The following QKI variants were observed in gnomAD, a reference collection of about 807,000 sequenced individuals.
QKI encodes the protein QKI, KH domain containing RNA binding.
Under a neutral mutation model 39.0 loss-of-function variants are expected in QKI, and 10 were observed. That is an observed-to-expected ratio of 0.26 (90% CI 0.16 to 0.43). The LOEUF (loss-of-function observed/expected upper bound fraction) is 0.43. Among genes scored for constraint, QKI ranks in the 20% least tolerant of loss-of-function variants. The pLI is 1.00. For synonymous variants in QKI, 204 were observed against 155.4 expected (o/e 1.31, Z -2.33); for missense variants, 218 against 428.0 (o/e 0.51, Z 4.33).
At chr6:163,518,791 A>T (rs1168700810) in intron 3 of QKI, among the ~76,000 whole-genome samples, 2 of 151,982 alleles carry the variant, frequency 1.3e-5, no homozygotes, top group African/African-American at 2.4e-5. Context: ...TGTAGTAACT[A>T]CTCTTTCAGC....
intron 4 of QKI, among the ~76,000 whole-genome samples, chr6:163,537,997 CT>C (rs34482552): frequency 6.6e-6 from 1 of 151,548 alleles, no homozygotes; most frequent in African/African-American, 2.4e-5. Flanking sequence ...CATTTTTTTA[CT>C]TTTTGCTATA....
intron 2 of QKI, among the ~76,000 whole-genome samples, chr6:163,457,810 A>G (rs1166521225): frequency 6.6e-6 from 1 of 152,042 alleles, no homozygotes; most frequent in Non-Finnish European, 1.5e-5. Context: ...GACAAAGACA[A>G]ACAGTACACA....
At chr6:163,420,737 T>C (rs568603098) in intron 1 of QKI, among the ~76,000 whole-genome samples, 1 of 152,312 alleles carries the variant, frequency 6.6e-6, no homozygotes, top group South Asian at 2.1e-4. Context: ...AATAGCTAGA[T>C]TATTTCGTGT....
intron 7 of QKI, chr6:163,567,311 G>C: frequency 1.0e-6 from 1 of 985,750 alleles, no homozygotes; most frequent in Non-Finnish European, 1.2e-6. Flanking sequence ...CACATGTCAA[G>C]TACTTAGCTA....
intron 2 of QKI, among the ~76,000 whole-genome samples, chr6:163,472,019 T>G (rs1792232652): frequency 6.6e-6 from 1 of 152,134 alleles, no homozygotes; most frequent in African/African-American, 2.4e-5. Flanking sequence ...GACAGAAAGA[T>G]ATACACTTGA....
intron 1 of QKI, among the ~76,000 whole-genome samples, chr6:163,451,605 GATATTTAGATAGA>G (rs559982610): frequency 2.3e-3 from 354 of 152,216 alleles, no homozygotes; most frequent in African/African-American, 8.2e-3. Flanking sequence ...TGATACTGGG[GATATTTAGATAGA>G]AAATACATGC....
At position 163,563,683 on chromosome 6, in the gene QKI, A is replaced by T. The variant is rs1178811631; in HGVS notation, c.898A>T (p.Ile300Phe). The T allele has an allele frequency of 6.2e-7, 1 of 1,614,042 alleles. No homozygotes were observed. Among genetic ancestry groups the T allele is most frequent in the Non-Finnish European group, 8.5e-7 (1 of 1,179,958 alleles). The change falls in exon 6 of 8, where the codon ATC (isoleucine) becomes TTC (phenylalanine). Residue 300 changes from isoleucine to phenylalanine, a missense_variant. By Grantham distance (21) the Ile-to-Phe change is conservative. This residue lies in a region of QKI where 117 missense variants were observed against 186.0 expected (regional missense o/e 0.63). Transcript: ENST00000361752. The part of the protein sequence containing the change: ...YPYTLAPATS[I>F]LEYPIEPSGV... ...CTACACATTGGCACCAGCTACATCAATCCTTGAGTATCCTATTGAACCTAG... is the reference window on the plus strand; with the variant it reads ...CTACACATTGGCACCAGCTACATCATTCCTTGAGTATCCTATTGAACCTAG...
intron 4 of QKI, among the ~76,000 whole-genome samples, chr6:163,545,696 C>T (rs1028785316): frequency 6.6e-6 from 1 of 151,926 alleles, no homozygotes; most frequent in East Asian, 1.9e-4. Context: ...TGTAAGGATT[C>T]GTTGAGGAAC....
At chr6:163,523,357 G>A (rs1780277658) in intron 3 of QKI, among the ~76,000 whole-genome samples, 2 of 152,186 alleles carry the variant, frequency 1.3e-5, no homozygotes, top group Non-Finnish European at 2.9e-5. Context: ...TAGTAATCAT[G>A]TAATCAGTAT....
chr6:163,461,424 G>A (rs1235863770), intron 2 of QKI, among the ~76,000 whole-genome samples: 1 of 152,162 alleles, frequency 6.6e-6, no homozygotes, highest in East Asian at 1.9e-4. Context: ...TTTAGTATTT[G>A]ATAGGAACTA....
intron 2 of QKI, among the ~76,000 whole-genome samples, chr6:163,475,025 C>G (rs1018484752): frequency 4.0e-5 from 6 of 151,860 alleles, no homozygotes; most frequent in Non-Finnish European, 1.5e-5. Flanking sequence ...AAAATTCTTG[C>G]AAGTATTATT....
intron 1 of QKI, among the ~76,000 whole-genome samples, chr6:163,443,914 A>T (rs1789943225): frequency 6.6e-6 from 1 of 152,196 alleles, no homozygotes; most frequent in South Asian, 2.1e-4. Flanking sequence ...TTTCATTTTC[A>T]GTCTGATTTA....
chr6:163,455,350 T>C lies in QKI; in HGVS notation c.214T>C (p.Leu72=), dbSNP rs761420278. The change falls in exon 2 of 8, where the codon TTG becomes CTG. Residue 72 remains leucine, a synonymous_variant. Coordinates refer to ENST00000361752, the MANE Select transcript of QKI (RefSeq NM_006775.3). Reference sequence around the variant, plus strand: ...CAGTACAGAGAAAAGGAGTGCAGAATTGCCTGATGCTGTGGGACCTATTGT... The same window carrying C: ...CAGTACAGAGAAAAGGAGTGCAGAACTGCCTGATGCTGTGGGACCTATTGT... ...NGSTEKRSAE[L]PDAVGPIVQL... is the part of the protein sequence containing the mutation. The C allele has an allele frequency of 6.2e-7, 1 of 1,613,062 alleles. No individual in the cohort carries two copies. The highest frequency in any genetic ancestry group is 8.5e-7 in the Non-Finnish European group (1 of 1,179,064).
At chr6:163,419,105 A>G (rs1787782424) in intron 1 of QKI, among the ~76,000 whole-genome samples, 1 of 152,060 alleles carries the variant, frequency 6.6e-6, no homozygotes, top group Admixed American at 6.5e-5. Context: ...TCATTTTCTG[A>G]TGGTCTTTTT....
chr6:163,560,623 C>G (rs1044023622), intron 4 of QKI, among the ~76,000 whole-genome samples: 8 of 152,160 alleles, frequency 5.3e-5, no homozygotes, highest in African/African-American at 1.9e-4. Context: ...TAAGATGTTA[C>G]TTACATACGT....
At chr6:163,480,714 T>C (rs1793013159) in intron 3 of QKI, among the ~76,000 whole-genome samples, 1 of 152,218 alleles carries the variant, frequency 6.6e-6, no homozygotes, top group Admixed American at 6.5e-5. Flanking sequence ...TGATAATCTT[T>C]TCAAATGAAC....
chr6:163,519,422 T>C (rs1316091778), intron 3 of QKI, among the ~76,000 whole-genome samples: 3 of 150,192 alleles, frequency 2.0e-5, no homozygotes, highest in Non-Finnish European at 4.4e-5. Context: ...TTAAAAAGAG[T>C]GGGTGTGATG....
rs1783169625 is a variant in QKI, at chr6:163,563,627, C to G, written c.842C>G (p.Ala281Gly). ...TAAIVPPGPE[A>G]GLIYTPYEYP... ...GCAATAGTTCCTCCAGGGCCCGAAGCTGGTTTAATCTATACACCCTATGAG... is the reference window on the plus strand; with the variant it reads ...GCAATAGTTCCTCCAGGGCCCGAAGGTGGTTTAATCTATACACCCTATGAG... The change falls in exon 6 of 8, where the codon GCT becomes GGT. Residue 281 changes from alanine (A) to glycine (G), a missense_variant. By Grantham distance (60) the Ala-to-Gly change is moderately conservative (BLOSUM62 0). This residue lies in a region of QKI where 117 missense variants were observed against 186.0 expected (regional missense o/e 0.63). Coordinates refer to ENST00000361752, the MANE Select transcript of QKI (RefSeq NM_006775.3). 6.2e-7 allele frequency: 1 copy of G among 1,614,174 alleles called. No homozygotes were observed. Among genetic ancestry groups the G allele is most frequent in the East Asian group, 2.2e-5 (1 of 44,864 alleles).
intron 3 of QKI, among the ~76,000 whole-genome samples, chr6:163,534,605 A>G (rs1357167520): frequency 4.6e-5 from 7 of 152,206 alleles, no homozygotes; most frequent in Admixed American, 4.6e-4. Context: ...TGCAGAAATA[A>G]TGACATGTTT....
Sources: gnomAD v4.1 joint callset for allele counts (sites outside exome capture counted in the v4.1 genomes callset) on GRCh38, gnomAD v4.1.1 for gene constraint, gnomAD v4.1.1 regional missense constraint, MANE v1.5 for transcripts, NCBI Gene and HGNC (gene_info 2026-07-23, HGNC 2026-07-21) for gene names.